ALX1: variants seen among roughly 807,000 people sequenced by gnomAD.
ALX1 encodes the protein ALX homeobox 1, also known as ALX homeobox protein 1.
In ALX1, 19 loss-of-function variants were observed where a neutral mutation model predicts 31.7. The observed-to-expected ratio is 0.60, with a 90% CI of 0.42 to 0.88. The LOEUF is 0.88. ALX1 is among the 40% of genes least tolerant of loss of function. ALX1 has a pLI of 0.00. For synonymous variants in ALX1, 153 were observed against 148.8 expected, an observed-to-expected ratio of 1.03 and a Z score of -0.20; for missense variants, 415 against 407.8, an observed-to-expected ratio of 1.02 and a Z score of -0.15.
intron 3 of ALX1, among the ~76,000 whole-genome samples, chr12:85,289,540 A>G (rs953738825): frequency 6.6e-6 from 1 of 151,192 alleles, no homozygotes; most frequent in Admixed American, 6.6e-5. Flanking sequence ...ATTCCTCATA[A>G]TTTTGTATAC....
At chr12:85,300,067 C>CT (rs1043710779) in intron 3 of ALX1, among the ~76,000 whole-genome samples, 3 of 151,888 alleles carry the variant, frequency 2.0e-5, no homozygotes, top group African/African-American at 7.2e-5. Context: ...GCAACATTTT[C>CT]TTTTTTTACC....
Position 85,301,285 on chromosome 12 carries a change from G to C in ALX1, c.791G>C (p.Gly264Ala). 6.2e-7 allele frequency: 1 copy of C among 1,613,920 alleles called. No individual in the cohort carries two copies. Among genetic ancestry groups the C allele is most frequent in the Non-Finnish European group, 8.5e-7 (1 of 1,179,938 alleles). ...CCTCGGACAGATTCCAGTTACACGGGGTTTTCAAACCACCAGAACCAGTTC... is the reference window on the plus strand; with the variant it reads ...CCTCGGACAGATTCCAGTTACACGGCGTTTTCAAACCACCAGAACCAGTTC... ...HSPRTDSSYT[G>A]FSNHQNQFSH... Residue 264 changes from glycine to alanine, a missense_variant, in exon 4 of 4, where the codon GGG becomes GCG. Gly to Ala is a moderately conservative substitution (Grantham distance 60). Transcript: ENST00000316824.
At chr12:85,299,141 T>A (rs562011241) in intron 3 of ALX1, among the ~76,000 whole-genome samples, 1 of 151,760 alleles carries the variant, frequency 6.6e-6, no homozygotes, top group South Asian at 2.1e-4. Context: ...TCCTTTTTTT[T>A]TTTTTAAGTA....
At chr12:85,286,376 G>A (rs1896747628) in intron 2 of ALX1, among the ~76,000 whole-genome samples, 1 of 151,912 alleles carries the variant, frequency 6.6e-6, no homozygotes, top group Non-Finnish European at 1.5e-5. Context: ...GCACAACTGA[G>A]AAGAGCTTTC....
chr12:85,300,534 CAG>C (rs761255905), intron 3 of ALX1, among the ~76,000 whole-genome samples: 12 of 151,980 alleles, frequency 7.9e-5, no homozygotes, highest in Non-Finnish European at 1.2e-4. Context: ...ACATAAATCA[CAG>C]AATAAATTTT....
chr12:85,288,102 TTAAA>T (rs1464733558), intron 3 of ALX1, among the ~76,000 whole-genome samples: 4 of 151,526 alleles, frequency 2.6e-5, no homozygotes, highest in Non-Finnish European at 5.9e-5. Context: ...ATATTATATG[TTAAA>T]TAAAAGAAGT....
At chr12:85,284,523 T>A (rs986396510) in intron 2 of ALX1, among the ~76,000 whole-genome samples, 1 of 152,252 alleles carries the variant, frequency 6.6e-6, no homozygotes, top group East Asian at 1.9e-4. Flanking sequence ...GAATTTTGCA[T>A]AGGCAATAAA....
intron 1 of ALX1, among the ~76,000 whole-genome samples, chr12:85,281,823 C>T (rs780680997): frequency 2.9e-4 from 44 of 152,094 alleles, no homozygotes; most frequent in Non-Finnish European, 6.2e-4. Flanking sequence ...TAGGTGCATG[C>T]CTAACGTTAT....
At chr12:85,287,012 G>T (rs982653349) in intron 3 of ALX1, 31 bp downstream of exon 3, 1 of 1,609,592 alleles carries the variant, frequency 6.2e-7, no homozygotes, top group African/African-American at 1.3e-5. Flanking sequence ...TACTGATCAA[G>T]AAAAGGATAT....
At chr12:85,290,294 G>T (rs530067539) in intron 3 of ALX1, among the ~76,000 whole-genome samples, 6 of 151,216 alleles carry the variant, frequency 4.0e-5, no homozygotes, top group Admixed American at 3.3e-4. Flanking sequence ...CAGACACTGT[G>T]CTTCCTTCTT....
At chr12:85,299,410 A>G (rs774242211) in intron 3 of ALX1, among the ~76,000 whole-genome samples, 16 of 151,670 alleles carry the variant, frequency 1.1e-4, no homozygotes, top group Non-Finnish European at 1.8e-4. Context: ...GAATTAGAAC[A>G]TAGCCTGAGA....
chr12:85,294,855 T>C (rs148900995), intron 3 of ALX1, among the ~76,000 whole-genome samples: 131 of 151,316 alleles, frequency 8.7e-4, no homozygotes, highest in African/African-American at 3.1e-3. Context: ...GGAATTTTAC[T>C]AAAAAATAAA....
rs1896709440 is a variant in ALX1, at chr12:85,283,663, C to T, written c.318C>T (p.Pro106=). Reference sequence around the variant, plus strand: ...ACTGTAACAGTCTCCGAATGTCTCCCGTGAAAGGGATGCAAGAGAAGGGAG... The same window carrying T: ...ACTGTAACAGTCTCCGAATGTCTCCTGTGAAAGGGATGCAAGAGAAGGGAG... The part of the protein sequence containing the change: ...MDNCNSLRMS[P]VKGMQEKGEL... The change falls in exon 2 of 4, where the codon CCC becomes CCT. Residue 106 remains proline, a synonymous_variant. Transcript: ENST00000316824. 3.1e-6 allele frequency: 5 copies of T among 1,614,038 alleles called. No individual in the cohort carries two copies. The highest frequency in any genetic ancestry group is 2.2e-5 in the East Asian group (1 of 44,876).
At chr12:85,296,915 T>G (rs1351574911) in intron 3 of ALX1, among the ~76,000 whole-genome samples, 2 of 100,762 alleles carry the variant, frequency 2.0e-5, no homozygotes, top group African/African-American at 5.0e-5. Flanking sequence ...AGGAAGAAAA[T>G]TAATATTTTT....
chr12:85,301,568 G>A lies in ALX1; in HGVS notation c.*93G>A, dbSNP rs1050807775. 2.3e-5 allele frequency: 31 copies of A among 1,351,388 alleles called. No homozygotes were observed. Among genetic ancestry groups the A allele is most frequent in the African/African-American group, 4.4e-5 (3 of 68,682 alleles). The allele number at this position is 1,351,388 out of a possible 1,614,324, so 83.7% of individuals were successfully genotyped here. On this transcript the variant is annotated 3_prime_UTR_variant, in exon 4 of 4. Transcript: ENST00000316824. Reference sequence around the variant, plus strand: ...ATACCACAATAAGCTGCTGTGTGTGGAATTGCTAAAGGTCAAGATATTCAG... The same window carrying A: ...ATACCACAATAAGCTGCTGTGTGTGAAATTGCTAAAGGTCAAGATATTCAG...
intron 1 of ALX1, among the ~76,000 whole-genome samples, chr12:85,283,285 C>T (rs938855778): frequency 9.2e-5 from 14 of 152,020 alleles, no homozygotes; most frequent in African/African-American, 2.9e-4. Flanking sequence ...TCTTTTAATT[C>T]GAGTACATGA....
At chr12:85,296,553 C>T (rs887227326) in intron 3 of ALX1, among the ~76,000 whole-genome samples, 4 of 151,540 alleles carry the variant, frequency 2.6e-5, no homozygotes, top group Admixed American at 6.6e-5. Context: ...TCCATTCATG[C>T]TAATGGGAGG....
rs1368696442 is a variant in ALX1, at chr12:85,299,269, T to G, written c.661-1886T>G. Among the ~76,000 whole-genome samples the G allele has an allele frequency of 5.3e-5, 8 of 151,648 alleles. No homozygotes were observed. The East Asian group carries it at 1.6e-3, about 30-fold the overall frequency. On this transcript the variant is annotated intron_variant, in intron 3 of 3. Coordinates refer to ENST00000316824, the MANE Select transcript of ALX1 (RefSeq NM_006982.3). ...TCAGAGGAAAATCACGCAGATGAAG[T>G]TAGAAGAGGTAGTTTGACAGAGTAA...
chr12:85,280,605 G>A (rs866146541), intron 1 of ALX1, 118 bp downstream of exon 1: 1 of 1,114,970 alleles, frequency 9.0e-7, no homozygotes, highest in Non-Finnish European at 1.3e-6. Flanking sequence ...GGACCTGGAA[G>A]GTGGAGGAAG....
Sources: allele counts gnomAD v4.1 joint callset (sites outside exome capture counted in the v4.1 genomes callset), GRCh38; gene constraint gnomAD v4.1.1; transcripts MANE v1.5; gene names NCBI Gene and HGNC (gene_info 2026-07-23, HGNC 2026-07-21).